SBNO2: variants seen among roughly 807,000 people sequenced by gnomAD.
SBNO2 encodes the protein strawberry notch homolog 2.
Under a neutral mutation model 146.3 loss-of-function variants are expected in SBNO2, and 89 were observed. The observed-to-expected ratio is 0.61, with a 90% CI of 0.51 to 0.73. The LOEUF is 0.73. Ranked by LOEUF, SBNO2 falls within the 30% of genes least tolerant of loss-of-function variation. SBNO2 has a pLI of 0.00. For missense variants in SBNO2, 2,092 were observed against 2,003.7 expected, an observed-to-expected ratio of 1.04 and a Z score of -0.84; for synonymous variants, 1,147 against 892.6, an observed-to-expected ratio of 1.29 and a Z score of -5.08.
At chr19:1,116,239 G>A in intron 16 of SBNO2, 136 bp from the exon 17 acceptor site, 1 of 723,168 alleles carries the variant, frequency 1.4e-6, no homozygotes, top group Admixed American at 2.8e-5. Flanking sequence ...GGTCTCCTGT[G>A]TGGAGTGGGC....
intron 1 of SBNO2, among the ~76,000 whole-genome samples, chr19:1,172,640 G>T (rs76224134): frequency 0.048 from 7,309 of 152,280 alleles, 450 homozygotes; most frequent in African/African-American, 0.14. Flanking sequence ...AGGCCTGGAA[G>T]AAAGTTTGAA....
chr19:1,114,125 G>C, intron 18 of SBNO2, 106 bp downstream of exon 18: 1 of 1,091,398 alleles, frequency 9.2e-7, no homozygotes, highest in Non-Finnish European at 1.3e-6. Context: ...GTGACCGCCA[G>C]GAGGCCGGGG....
rs1288171481 is a variant in SBNO2 at position 1,147,932 on chromosome 19, A to T, written c.168-512T>A. ...GATGGCAAAGGACACAGCAAGGAGA[A>T]GGTCCTGGGGGCCCCCCGCCCAGGG... On this transcript the variant is annotated intron_variant, in intron 3 of 31. Coordinates refer to ENST00000361757, the MANE Select transcript of SBNO2 (RefSeq NM_014963.3). 1.3e-5 allele frequency among the ~76,000 whole-genome samples: 2 copies of T among 152,142 alleles called. 1 individual carries two copies. The highest frequency in any genetic ancestry group is 6.3e-3 in the Middle Eastern group (2 of 316).
intron 4 of SBNO2, among the ~76,000 whole-genome samples, chr19:1,131,745 G>C (rs191943937): frequency 0.016 from 2,390 of 152,304 alleles, 61 homozygotes; most frequent in African/African-American, 0.053. Context: ...CAGAAGGAGG[G>C]GGACGCAGCC....
chr19:1,135,671 G>A (rs1218533669), intron 4 of SBNO2, among the ~76,000 whole-genome samples: 3 of 152,218 alleles, frequency 2.0e-5, no homozygotes, highest in East Asian at 1.9e-4. Flanking sequence ...AACGCTGACC[G>A]AGGGCTCCGT....
rs1568580801 is a variant in SBNO2 at position 1,123,863 on chromosome 19, T to C, written c.522+79A>G. 4 of 1,417,034 alleles carry C rather than the reference T, an allele frequency of 2.8e-6. No homozygotes were observed. The South Asian group carries it at 5.1e-5, about 18-fold the overall frequency. The allele number at this position is 1,417,034 out of a possible 1,614,324, so 87.8% of individuals were successfully genotyped here. A position where few individuals can be genotyped will look rare whatever the true frequency, so the allele number is the denominator to read the frequency against. ...TAGGCCAGCCAAGCGCTCCCCACAATGGAGATGCCTGTGCTGAGCCCTCTC... is the reference window on the plus strand; with the variant it reads ...TAGGCCAGCCAAGCGCTCCCCACAACGGAGATGCCTGTGCTGAGCCCTCTC... On this transcript the variant is annotated intron_variant, in intron 6 of 31. Transcript: ENST00000361757.
chr19:1,113,742 G>T lies in SBNO2; in HGVS notation c.2078-38C>A. On this transcript the variant is annotated intron_variant, in intron 18 of 31. Transcript: ENST00000361757. ...TGGAGGGTCAGGGCAGGACATGTTG[G>T]CTGCCTTCTAGGGCCCACCTAACTC... 1.4e-6 allele frequency: 2 copies of T among 1,443,692 alleles called. 1 individual carries two copies. The highest frequency in any genetic ancestry group is 2.9e-5 in the South Asian group (2 of 67,944). 89.4% of individuals were successfully genotyped at this position (1,443,692 alleles called of 1,614,324 possible).
In SBNO2 at chr19:1,110,333, A is replaced by AGGT. The variant is rs2079740991; in HGVS notation, c.3028+409_3028+411dup. On this transcript the variant is annotated intron_variant, in intron 26 of 31. Transcript: ENST00000361757. The surrounding 1 kb of genome is among the most constrained non-coding windows in gnomAD (Gnocchi z 4.9). ...GGCCTTTCGTTCACAACAATGTAGC[A>AGGT]GGTGCCCCGTGAAGCCTGGGGATGA... is the stretch of plus-strand genomic sequence containing the variant. Among the ~76,000 whole-genome samples, 1 of 152,118 alleles carries AGGT rather than the reference A, an allele frequency of 6.6e-6. No individual in the cohort carries two copies. Among genetic ancestry groups the AGGT allele is most frequent in the Admixed American group, 6.5e-5 (1 of 15,280 alleles).
rs756080587 is a variant in SBNO2, at chr19:1,109,485, G to C, written c.3216+21C>G. On this transcript the variant is annotated intron_variant, in intron 28 of 31. Transcript: ENST00000361757. This position sits in a 1 kb window ranked among gnomAD's most constrained non-coding sequence, Gnocchi z 4.2. ...CCCCCCGCGGGCCCTCCTCTGGGGG[G>C]GTAACCCCGCCCGACCCCACCTTGT... 4.5e-5 allele frequency: 71 copies of C among 1,581,304 alleles called. No individual in the cohort carries two copies. In the African/African-American group the frequency reaches 7.4e-4, roughly 16 times the overall value.
rs1449907583 is a variant in SBNO2, at chr19:1,157,349, C to T, written c.-126-2947G>A. Among the ~76,000 whole-genome samples the T allele has an allele frequency of 1.3e-5, 2 of 151,070 alleles. No individual in the cohort carries two copies. The highest frequency in any genetic ancestry group is 2.5e-5 in the African/African-American group (1 of 40,556). On this transcript the variant is annotated intron_variant, in intron 1 of 31. Transcript: ENST00000361757. The surrounding 1 kb of genome is among the most constrained non-coding windows in gnomAD (Gnocchi z 6.8). Reference sequence around the variant, plus strand: ...TCTGCCACGCAGCCCCGGAGACGCTCTCCCCACGCGGCCCCGGAGACCCTC... The same window carrying T: ...TCTGCCACGCAGCCCCGGAGACGCTTTCCCCACGCGGCCCCGGAGACCCTC...
Position 1,107,987 on chromosome 19 carries a change from A to T in SBNO2, c.*233T>A. The stretch of plus-strand genomic sequence containing the variant: ...GAGCAGCCACCCGGAGCCCCTTCCT[A>T]CTTGGGAGGAGAGGCACAGAGAGGG... On this transcript the variant is annotated 3_prime_UTR_variant, in exon 32 of 32. Transcript: ENST00000361757. The T allele has an allele frequency of 3.0e-6, 1 of 328,126 alleles. No individual in the cohort carries two copies. Among genetic ancestry groups the T allele is most frequent in the Non-Finnish European group, 5.6e-6 (1 of 179,536 alleles). 20.3% of individuals were successfully genotyped at this position (328,126 alleles called of 1,614,324 possible).
rs562049284 is a variant in SBNO2 at position 1,110,514 on chromosome 19, G to A, written c.3028+231C>T. On this transcript the variant is annotated intron_variant, in intron 26 of 31. Transcript: ENST00000361757. The surrounding 1 kb of genome is among the most constrained non-coding windows in gnomAD (Gnocchi z 4.9). Reference sequence around the variant, plus strand: ...GAGCCCCTTGCCCACCTAGGCCCTCGCCGTGCTCACCCACAATGCACGGTG... The same window carrying A: ...GAGCCCCTTGCCCACCTAGGCCCTCACCGTGCTCACCCACAATGCACGGTG... 4.1e-5 allele frequency among the ~76,000 whole-genome samples: 6 copies of A among 145,062 alleles called. No homozygotes were observed. In the East Asian group the frequency reaches 1.2e-3, roughly 30 times the overall value.
intron 1 of SBNO2, among the ~76,000 whole-genome samples, chr19:1,167,827 C>T (rs2080440559): frequency 6.6e-6 from 1 of 152,194 alleles, no homozygotes; most frequent in African/African-American, 2.4e-5. Context: ...GAAACCCAGG[C>T]TCCTGAACGG....
Position 1,108,199 on chromosome 19 carries a change from C to T in SBNO2, c.*21G>A, listed in dbSNP as rs1192658823. 2 of 1,522,398 alleles carry T rather than the reference C, an allele frequency of 1.3e-6. No homozygotes were observed. Among genetic ancestry groups the T allele is most frequent in the East Asian group, 5.3e-5 (2 of 37,758 alleles). 94.3% of individuals were successfully genotyped at this position (1,522,398 alleles called of 1,614,324 possible). On this transcript the variant is annotated 3_prime_UTR_variant, in exon 32 of 32. Transcript: ENST00000361757. ...GAGAAACGGTCCCTGTGTCTTGGGG[C>T]ATGTTTCGCCTAAAGGCGTGTCAGA...
At chr19:1,129,934 AGACAGGACAACAGG>A (rs1463637633) in intron 4 of SBNO2, among the ~76,000 whole-genome samples, 1 of 152,176 alleles carries the variant, frequency 6.6e-6, no homozygotes, top group Non-Finnish European at 1.5e-5. Flanking sequence ...TGGCCCAAGA[AGACAGGACAACAGG>A]GTCCTCCCGC....
intron 17 of SBNO2, among the ~76,000 whole-genome samples, chr19:1,114,678 C>G (rs977692567): frequency 3.9e-5 from 6 of 152,210 alleles, no homozygotes; most frequent in South Asian, 2.1e-4. Context: ...GAGTCTTACT[C>G]TGTCGCCAGG....
At chr19:1,128,138 C>CA in intron 4 of SBNO2, 1 of 480,310 alleles carries the variant, frequency 2.1e-6, no homozygotes, top group Non-Finnish European at 4.1e-6. Flanking sequence ...GACTCCGTCT[C>CA]AAAAAAGAAA....
chr19:1,118,133 TGA>T (rs2079855205), intron 14 of SBNO2, among the ~76,000 whole-genome samples: 1 of 152,028 alleles, frequency 6.6e-6, no homozygotes, highest in Non-Finnish European at 1.5e-5. Flanking sequence ...CTCAGGAGTT[TGA>T]GACCAACCAG....
chr19:1,110,664 C>G lies in SBNO2; in HGVS notation c.3028+81G>C. On this transcript the variant is annotated intron_variant, in intron 26 of 31. Transcript: ENST00000361757. This position sits in a 1 kb window ranked among gnomAD's most constrained non-coding sequence, Gnocchi z 4.9. Reference sequence around the variant, plus strand: ...GGATGCCCGGTGTTCCCACGAGCCCCGAGCCCACCCAGGATGCATGGCGTT... The same window carrying G: ...GGATGCCCGGTGTTCCCACGAGCCCGGAGCCCACCCAGGATGCATGGCGTT... 1.3e-6 allele frequency: 2 copies of G among 1,507,090 alleles called. No individual in the cohort carries two copies. Among genetic ancestry groups the G allele is most frequent in the Non-Finnish European group, 1.8e-6 (2 of 1,117,036 alleles). The allele number at this position is 1,507,090 out of a possible 1,614,324, so 93.4% of individuals were successfully genotyped here.
Sources: allele counts gnomAD v4.1 joint callset (sites outside exome capture counted in the v4.1 genomes callset), GRCh38; gene constraint gnomAD v4.1.1; non-coding constraint Gnocchi (gnomAD v3.1); transcripts MANE v1.5; gene names NCBI Gene and HGNC (gene_info 2026-07-23, HGNC 2026-07-21).